TTN: variants seen among roughly 807,000 people sequenced by gnomAD.
TTN encodes the protein titin.
TTN carries 1,525 observed loss-of-function variants against 3,223.0 expected under a neutral mutation model. That is an observed-to-expected ratio of 0.47 (90% CI 0.45 to 0.49). The LOEUF (loss-of-function observed/expected upper bound fraction) is 0.49, where lower values mean the gene tolerates loss of function less well. Ranked by LOEUF, TTN falls within the 20% of genes least tolerant of loss-of-function variation. The pLI is 0.00. For missense variants in TTN, 40,786 were observed against 43,424.0 expected (o/e 0.94, Z 5.40); for synonymous variants, 14,094 against 15,161.0 (o/e 0.93, Z 5.17).
At chr2:178,799,799 T>C (rs1393997683) in intron 5 of TTN, 26 bp downstream of exon 5, 1 of 1,614,174 alleles carries the variant, frequency 6.2e-7, no homozygotes, top group East Asian at 2.2e-5. Context: ...CTGAAAGGCT[T>C]GAAAACCAAC....
chr2:178,712,712 G>A lies in TTN; in HGVS notation c.27313C>T (p.His9105Tyr), dbSNP rs771109303. Residue 9105 changes from histidine to tyrosine, a missense_variant, in exon 94 of 363, where the codon CAT becomes TAT. Transcript: ENST00000589042. ...TCTGACAAACCTTTTATGTAGAGAT[G>A]TGTTGTACAAGAAGCCTTGCCAGCT... Reference protein sequence around the residue: ...NEAGKASCTTHLYIKAPAKFV... With the variant: ...NEAGKASCTTYLYIKAPAKFV... The A allele has an allele frequency of 4.3e-6, 7 of 1,613,378 alleles. No homozygotes were observed. The Admixed American group carries it at 1.2e-4, about 27-fold the overall frequency.
intron 100 of TTN, 103 bp downstream of exon 100, chr2:178,707,423 A>G (rs1367136435): frequency 2.9e-6 from 4 of 1,365,480 alleles, no homozygotes; most frequent in Non-Finnish European, 3.9e-6. Context: ...GCAACAACTG[A>G]TATTTCTAAA....
Position 178,651,756 on chromosome 2 carries a change from A to C in TTN, c.39380-7T>G, listed in dbSNP as rs771973189. Reference sequence around the variant, plus strand: ...TTCTTAGGTGGTACGGTCACTAAAGAATTAGAAGGTATGTTTTAGAAAGAA... The same window carrying C: ...TTCTTAGGTGGTACGGTCACTAAAGCATTAGAAGGTATGTTTTAGAAAGAA... On this transcript the variant is annotated splice_polypyrimidine_tract_variant and splice_region_variant and intron_variant, in intron 205 of 362. Transcript: ENST00000589042. 1.2e-6 allele frequency: 2 copies of C among 1,612,534 alleles called. No homozygotes were observed. Among genetic ancestry groups the C allele is most frequent in the Non-Finnish European group, 8.5e-7 (1 of 1,179,416 alleles).
At chr2:178,667,033 T>C (rs2066073847) in intron 162 of TTN, 132 bp from the exon 163 acceptor site, 2 of 944,450 alleles carry the variant, frequency 2.1e-6, no homozygotes. Context: ...TGTTCTAATA[T>C]TTTATCTTTG....
rs397517750 is a variant in TTN at position 178,552,121 on chromosome 2, T to TA, written c.90778dup (p.Tyr30260LeufsTer12). 1 of 1,613,774 alleles carries TA rather than the reference T, an allele frequency of 6.2e-7. No individual in the cohort carries two copies. Among genetic ancestry groups the TA allele is most frequent in the Non-Finnish European group, 8.5e-7 (1 of 1,179,784 alleles). On this transcript the variant is annotated frameshift_variant, in exon 335 of 363. Coordinates refer to ENST00000589042, the MANE Select transcript of TTN (RefSeq NM_001267550.2). LOFTEE classifies it high-confidence loss of function. ...TGAAGTTTCCCGCTTCTCGATGCTG[T>TA]AACAAGTAATTTCTCCTCCTCCATT...
In TTN at chr2:178,527,047, A is replaced by G; in HGVS notation, c.107941T>C (p.Ser35981Pro). The G allele has an allele frequency of 6.2e-7, 1 of 1,613,868 alleles. No homozygotes were observed. The highest frequency in any genetic ancestry group is 8.5e-7 in the Non-Finnish European group (1 of 1,179,828). The change falls in exon 363 of 363, where the codon TCT becomes CCT. Residue 35981 changes from serine (S) to proline (P), a missense_variant. By Grantham distance (74) the Ser-to-Pro change is moderately conservative (BLOSUM62 -1). Coordinates refer to ENST00000589042, the MANE Select transcript of TTN (RefSeq NM_001267550.2). ...LSLGNEFGSD[S>P]ATVNIHIRSI is the part of the protein sequence containing the mutation. Reference sequence around the variant, plus strand: ...CGAATATGTATATTCACAGTGGCAGAGTCAGATCCAAATTCATTCCCTAAA... The same window carrying G: ...CGAATATGTATATTCACAGTGGCAGGGTCAGATCCAAATTCATTCCCTAAA...
intron 73 of TTN, 59 bp downstream of exon 73, chr2:178,723,797 G>C: frequency 1.3e-6 from 2 of 1,552,110 alleles, no homozygotes; most frequent in Non-Finnish European, 1.7e-6. Flanking sequence ...TGTCAACATA[G>C]ATGTGCACCT....
chr2:178,752,117 G>T, intron 47 of TTN: 2 of 1,324,728 alleles, frequency 1.5e-6, no homozygotes, highest in Non-Finnish European at 2.1e-6. Flanking sequence ...TGCAAAATAG[G>T]AAATGAAATA....
In TTN at chr2:178,588,782, A is replaced by C; in HGVS notation, c.62943T>G (p.Thr20981=). 1 of 1,613,382 alleles carries C rather than the reference A, an allele frequency of 6.2e-7. No individual in the cohort carries two copies. The highest frequency in any genetic ancestry group is 8.5e-7 in the Non-Finnish European group (1 of 1,179,610). Residue 20981 remains threonine, a synonymous_variant, in exon 304 of 363, where the codon ACT becomes ACG. Transcript: ENST00000589042. ...EVTKVSKEEM[T]VVWNPPEYDG... ...CATATTCAGGTGGATTCCAAACCACAGTCATCTCTTCTTTGCTTACTTTAG... is the reference window on the plus strand; with the variant it reads ...CATATTCAGGTGGATTCCAAACCACCGTCATCTCTTCTTTGCTTACTTTAG...
intron 278 of TTN, among the ~76,000 whole-genome samples, chr2:178,606,609 T>C (rs937818276): frequency 1.3e-5 from 2 of 151,974 alleles, no homozygotes; most frequent in Admixed American, 6.6e-5. Flanking sequence ...TTTTTGAATA[T>C]AGAGGAAGAC....
At chr2:178,686,540 C>T (rs2070977371) in intron 127 of TTN, among the ~76,000 whole-genome samples, 1 of 152,124 alleles carries the variant, frequency 6.6e-6, no homozygotes, top group Non-Finnish European at 1.5e-5. Context: ...GCATCAGCCT[C>T]CTGAGTAGCT....
In TTN at chr2:178,784,351, C is replaced by A. The variant is rs376133574; in HGVS notation, c.2494G>T (p.Ala832Ser). ...GCAATAGCACTACCGGCTATTGATG[C>A]CTACATGGAAACAGAGTCAGAAAAT... is the stretch of plus-strand genomic sequence containing the variant. Reference protein sequence around the residue: ...SVPKTEHGYEASIAGSAIATL... With the variant: ...SVPKTEHGYESSIAGSAIATL... The change falls in exon 16 of 363, where the codon GCA becomes TCA. Residue 832 changes from alanine to serine, a missense_variant and splice_region_variant. Coordinates refer to ENST00000589042, the MANE Select transcript of TTN (RefSeq NM_001267550.2). 5.6e-6 allele frequency: 9 copies of A among 1,613,850 alleles called. No homozygotes were observed. The African/African-American group carries it at 8.0e-5, about 14-fold the overall frequency.
intron 64 of TTN, 28 bp downstream of exon 64, chr2:178,729,260 T>C (rs767748089): frequency 2.6e-6 from 4 of 1,563,220 alleles, no homozygotes; most frequent in Non-Finnish European, 3.5e-6. Flanking sequence ...GAATTTTTAT[T>C]TGATAGGCTG....
Position 178,679,387 on chromosome 2 carries a change from T to C in TTN, c.33694A>G (p.Lys11232Glu), listed in dbSNP as rs764769901. The change falls in exon 142 of 363, where the codon AAA (lysine) becomes GAA (glutamate). Residue 11232 changes from lysine (K) to glutamate (E), a missense_variant. By Grantham distance (56) the Lys-to-Glu change is moderately conservative (BLOSUM62 1). Coordinates refer to ENST00000589042, the MANE Select transcript of TTN (RefSeq NM_001267550.2). Reference sequence around the variant, plus strand: ...TTTTTAGGAATAAGCACAGGAACTTTCTCCTCTGGCTTCTTAGGAACCTCA... The same window carrying C: ...TTTTTAGGAATAAGCACAGGAACTTCCTCCTCTGGCTTCTTAGGAACCTCA... ...VPEVPKKPEE[K>E]VPVLIPKKEK... is the part of the protein sequence containing the mutation. The C allele has an allele frequency of 2.5e-6, 4 of 1,612,768 alleles. No homozygotes were observed. The Admixed American group carries it at 5.0e-5, about 20-fold the overall frequency.
At chr2:178,773,418 T>C (rs1324378672) in intron 32 of TTN, 44 bp downstream of exon 32, 2 of 1,613,934 alleles carry the variant, frequency 1.2e-6, no homozygotes, top group Admixed American at 1.7e-5. Context: ...ACTGGGAAAG[T>C]AGAATGCTTA....
chr2:178,572,798 G>T lies in TTN; in HGVS notation c.73334C>A (p.Thr24445Asn), dbSNP rs377334665. 1.9e-6 allele frequency: 3 copies of T among 1,613,440 alleles called. No individual in the cohort carries two copies. Among genetic ancestry groups the T allele is most frequent in the Non-Finnish European group, 2.5e-6 (3 of 1,179,602 alleles). ...TTTGATGGGAACAAAAAGTCTCAGG[G>T]TGCAGCAGGCCCTTATAGTAACAAC... ...RKVVTIRACC[T>N]LRLFVPIKGR... The change falls in exon 326 of 363, where the codon ACC becomes AAC. Residue 24445 changes from threonine (T) to asparagine (N), a missense_variant. By Grantham distance (65) the Thr-to-Asn change is moderately conservative (BLOSUM62 0). Coordinates refer to ENST00000589042, the MANE Select transcript of TTN (RefSeq NM_001267550.2).
chr2:178,624,350 G>T, intron 242 of TTN, 115 bp downstream of exon 242: 1 of 1,336,716 alleles, frequency 7.5e-7, no homozygotes, highest in Non-Finnish European at 1.1e-6. Context: ...AATACTAGAA[G>T]TTGCCAAGAA....
At position 178,565,852 on chromosome 2, in the gene TTN, T is replaced by G. The variant is rs778292712; in HGVS notation, c.80280A>C (p.Glu26760Asp). 5.0e-6 allele frequency: 8 copies of G among 1,613,654 alleles called. No homozygotes were observed. The highest frequency in any genetic ancestry group is 3.3e-5 in the South Asian group (3 of 91,080). The change falls in exon 326 of 363, where the codon GAA (glutamate) becomes GAC (aspartate). Residue 26760 changes from glutamate to aspartate, a missense_variant. Physicochemically the swap from Glu to Asp is conservative, Grantham distance 45. Coordinates refer to ENST00000589042, the MANE Select transcript of TTN (RefSeq NM_001267550.2). ...GAIYYFRVMA[E>D]NEFGVGVPVE... Reference sequence around the variant, plus strand: ...CTGGAACACCAACTCCAAATTCATTTTCAGCCATGACTCTGAAGTAATAAA... The same window carrying G: ...CTGGAACACCAACTCCAAATTCATTGTCAGCCATGACTCTGAAGTAATAAA...
rs1376169033 is a variant in TTN, at chr2:178,719,207, A to G, written c.24183T>C (p.Asn8061=). 1 of 1,613,742 alleles carries G rather than the reference A, an allele frequency of 6.2e-7. No homozygotes were observed. Among genetic ancestry groups the G allele is most frequent in the Admixed American group, 1.7e-5 (1 of 60,012 alleles). ...CTGAGCACTCATCGGAACCAGCTAC[A>G]TTGGCAGCCACACACGTGTATATGC... ...DTGIYTCVAA[N]VAGSDECSAV... is the part of the protein sequence containing the mutation. The change falls in exon 83 of 363, where the codon AAT becomes AAC. Residue 8061 remains asparagine, a synonymous_variant. Coordinates refer to ENST00000589042, the MANE Select transcript of TTN (RefSeq NM_001267550.2).
Sources: gnomAD v4.1 joint callset for allele counts (sites outside exome capture counted in the v4.1 genomes callset) on GRCh38, gnomAD v4.1.1 for gene constraint, MANE v1.5 for transcripts, NCBI Gene and HGNC (gene_info 2026-07-23, HGNC 2026-07-21) for gene names.